Variants in HJURP observed in about 807,000 individuals in gnomAD.
HJURP encodes the protein 14-3-3-associated AKT substrate.
A neutral mutation model predicts 72.0 loss-of-function variants in HJURP; 49 were observed. The ratio of observed to expected loss-of-function variants is 0.68; its 90% CI spans 0.54 to 0.86. HJURP has a LOEUF of 0.86. Ranked by LOEUF, HJURP falls within the 40% of genes least tolerant of loss-of-function variation. The pLI is 0.00. For missense variants in HJURP, 908 were observed against 936.3 expected (o/e 0.97, Z 0.39); for synonymous variants, 357 against 347.1 (o/e 1.03, Z -0.32).
chr2:233,838,293 C>T (rs978970394), intron 8 of HJURP, among the ~76,000 whole-genome samples: 4 of 152,266 alleles, frequency 2.6e-5, no homozygotes, highest in South Asian at 2.1e-4. Flanking sequence ...GAGGGCCCTG[C>T]GGGGCCACCA....
intron 8 of HJURP, among the ~76,000 whole-genome samples, chr2:233,839,540 G>A (rs1373712485): frequency 6.6e-6 from 1 of 152,224 alleles, no homozygotes; most frequent in Non-Finnish European, 1.5e-5. Context: ...GGCCGCTGGC[G>A]GTCTGAGAGT....
intron 8 of HJURP, among the ~76,000 whole-genome samples, chr2:233,839,383 G>A (rs1200259408): frequency 1.3e-5 from 2 of 152,240 alleles, no homozygotes. Flanking sequence ...AAGAACTGGG[G>A]AGTAGGGGGA....
rs780911857 is a variant in HJURP at position 233,840,659 on chromosome 2, G to A, written c.2121C>T (p.Thr707=). Residue 707 remains threonine, a synonymous_variant, in exon 8 of 9, where the codon ACC becomes ACT. Transcript: ENST00000411486. ...AGCTGCCCTGGTCTCCCGGTCTGAC[G>A]GTGTTGTCCACCCCATCTGAGGCAC... ...SLGASDGVDN[T]VRPGDQGSSS... 3.0e-5 allele frequency: 49 copies of A among 1,611,776 alleles called. No homozygotes were observed. Among genetic ancestry groups the A allele is most frequent in the Middle Eastern group, 3.3e-4 (2 of 6,062 alleles).
At chr2:233,853,425 G>C (rs182223871) in intron 2 of HJURP, among the ~76,000 whole-genome samples, 1 of 152,348 alleles carries the variant, frequency 6.6e-6, no homozygotes, top group African/African-American at 2.4e-5. Context: ...GCAAACAATA[G>C]TCAATGTGAG....
At chr2:233,848,649 C>G (rs1281157148) in intron 4 of HJURP, among the ~76,000 whole-genome samples, 2 of 152,204 alleles carry the variant, frequency 1.3e-5, no homozygotes, top group African/African-American at 4.8e-5. Context: ...AGGCGCAGAG[C>G]AGAAGATGGG....
chr2:233,847,925 G>A (rs1213578207), intron 4 of HJURP, among the ~76,000 whole-genome samples: 1 of 152,208 alleles, frequency 6.6e-6, no homozygotes, highest in African/African-American at 2.4e-5. Flanking sequence ...GGGCTGGTGG[G>A]TGCCATACTG....
chr2:233,850,811 C>T (rs1245964284), intron 3 of HJURP, among the ~76,000 whole-genome samples: 1 of 152,194 alleles, frequency 6.6e-6, no homozygotes, highest in Non-Finnish European at 1.5e-5. Context: ...CGATCTACAC[C>T]AACCCCAAAC....
At position 233,841,539 on chromosome 2, in the gene HJURP, A is replaced by C; in HGVS notation, c.1241T>G (p.Val414Gly). Residue 414 changes from valine (V) to glycine (G), a missense_variant, in exon 8 of 9, where the codon GTA becomes GGA. By Grantham distance (109) the Val-to-Gly change is moderately radical (BLOSUM62 -3). Around this residue, in one of 3 missense-constraint regions of HJURP, gnomAD observed 598 missense variants for 619.5 expected, o/e 0.97. Coordinates refer to ENST00000411486, the MANE Select transcript of HJURP (RefSeq NM_018410.5). ...FRTLKWLISP[V>G]KIVSRPTIRQ... ...TATTGTTGGTCTGGAAACTATTTTT[A>C]CAGGAGAAATTAACCATTTTAATGT... 6.2e-7 allele frequency: 1 copy of C among 1,613,988 alleles called. No homozygotes were observed. The highest frequency in any genetic ancestry group is 8.5e-7 in the Non-Finnish European group (1 of 1,179,886).
At chr2:233,847,099 C>T (rs536279948) in intron 5 of HJURP, among the ~76,000 whole-genome samples, 1 of 152,162 alleles carries the variant, frequency 6.6e-6, no homozygotes, top group Non-Finnish European at 1.5e-5. Flanking sequence ...CTCATCCAGG[C>T]AGATGGCGCC....
chr2:233,854,026 C>A (rs1030339737), intron 1 of HJURP, 116 bp from the exon 2 acceptor site: 33 of 869,804 alleles, frequency 3.8e-5, no homozygotes, highest in Non-Finnish European at 5.5e-5. Context: ...GCGCCCCAAA[C>A]GCGGTCTCTG....
At chr2:233,843,564 A>C (rs1245029725) in intron 7 of HJURP, among the ~76,000 whole-genome samples, 1 of 152,286 alleles carries the variant, frequency 6.6e-6, no homozygotes, top group Middle Eastern at 3.4e-3. Context: ...TGTGCTATTC[A>C]AGAAAGGCAA....
rs1705128192 is a variant in HJURP, at chr2:233,838,207, C to T, written c.2172-555G>A. Reference sequence around the variant, plus strand: ...AGAAAAACATAGGAAACCAGTTAAACATGTTTATATTGTGGTTTAAAATGA... The same window carrying T: ...AGAAAAACATAGGAAACCAGTTAAATATGTTTATATTGTGGTTTAAAATGA... On this transcript the variant is annotated intron_variant, in intron 8 of 8. Coordinates refer to ENST00000411486, the MANE Select transcript of HJURP (RefSeq NM_018410.5). Among the ~76,000 whole-genome samples the T allele has an allele frequency of 2.0e-5, 3 of 152,300 alleles. No homozygotes were observed. The South Asian group carries it at 6.2e-4, about 32-fold the overall frequency.
At chr2:233,849,705 C>G in intron 4 of HJURP, 58 bp downstream of exon 4, 1 of 1,072,258 alleles carries the variant, frequency 9.3e-7, no homozygotes, top group East Asian at 2.6e-5. Context: ...GCTGTTGTAA[C>G]AGGTGCGTCA....
chr2:233,845,074 A>G (rs1169189962), intron 6 of HJURP, among the ~76,000 whole-genome samples: 1 of 151,526 alleles, frequency 6.6e-6, no homozygotes, highest in African/African-American at 2.4e-5. Flanking sequence ...TGTGGGGACT[A>G]TTGCTTCCCT....
intron 7 of HJURP, among the ~76,000 whole-genome samples, chr2:233,843,355 G>A (rs1343658095): frequency 6.6e-6 from 1 of 152,062 alleles, no homozygotes; most frequent in African/African-American, 2.4e-5. Context: ...AGGGCCTGTC[G>A]CAATGAGAAA....
At chr2:233,850,655 AG>A (rs1328048088) in intron 3 of HJURP, among the ~76,000 whole-genome samples, 2 of 152,240 alleles carry the variant, frequency 1.3e-5, no homozygotes, top group Non-Finnish European at 2.9e-5. Context: ...GGGGCTACCC[AG>A]GAGCACTACA....
chr2:233,842,189 G>C lies in HJURP; in HGVS notation c.591C>G (p.Ile197Met), dbSNP rs1301698899. The C allele has an allele frequency of 6.2e-7, 1 of 1,610,612 alleles. No individual in the cohort carries two copies. The highest frequency in any genetic ancestry group is 8.5e-7 in the Non-Finnish European group (1 of 1,178,044). Reference sequence around the variant, plus strand: ...CTGGGTCACCAGGACTCTTTCTGGAGATACGACTGCAGTATCCTGGGAGAA... The same window carrying C: ...CTGGGTCACCAGGACTCTTTCTGGACATACGACTGCAGTATCCTGGGAGAA... ...AVPAPGYCSRISRKSPGDPAK... is the reference protein window; with the variant it reads ...AVPAPGYCSRMSRKSPGDPAK... Residue 197 changes from isoleucine (I) to methionine (M), a missense_variant, in exon 8 of 9, where the codon ATC becomes ATG. Around this residue, in one of 3 missense-constraint regions of HJURP, gnomAD observed 299 missense variants for 286.7 expected, o/e 1.04. Coordinates refer to ENST00000411486, the MANE Select transcript of HJURP (RefSeq NM_018410.5).
rs759194719 is a variant in HJURP, at chr2:233,840,702, CGTCCGGAGCCCTGGG to C, written c.2063_2077del (p.Pro688_Gly692del). ...TGAGGCACCCAGGGAATTGCCCTGG[CGTCCGGAGCCCTGGG>C]GTTCTGATAGCCTGGGTCTTTTTGC... On this transcript the variant is annotated inframe_deletion, in exon 8 of 9. Coordinates refer to ENST00000411486, the MANE Select transcript of HJURP (RefSeq NM_018410.5). 1.1e-5 allele frequency: 17 copies of C among 1,614,040 alleles called. No homozygotes were observed. In the East Asian group the frequency reaches 3.8e-4, roughly 36 times the overall value.
chr2:233,840,758 C>T lies in HJURP; in HGVS notation c.2022G>A (p.Arg674=). The T allele has an allele frequency of 1.9e-6, 3 of 1,614,012 alleles. No individual in the cohort carries two copies. Among genetic ancestry groups the T allele is most frequent in the Non-Finnish European group, 2.5e-6 (3 of 1,179,978 alleles). The change falls in exon 8 of 9, where the codon AGG becomes AGA. Residue 674 remains arginine, a synonymous_variant. Coordinates refer to ENST00000411486, the MANE Select transcript of HJURP (RefSeq NM_018410.5). ...VARAITRDGT[R]DHQFPAKRPR... The stretch of plus-strand genomic sequence containing the variant: ...GTCTTTTTGCAGGGAACTGATGGTC[C>T]CTCGTGCCATCCCTCGTGATGGCAC...
Sources: allele counts gnomAD v4.1 joint callset (sites outside exome capture counted in the v4.1 genomes callset), GRCh38; gene constraint gnomAD v4.1.1; regional missense constraint gnomAD v4.1.1; transcripts MANE v1.5; gene names NCBI Gene and HGNC (gene_info 2026-07-23, HGNC 2026-07-21).